Variants in KDM6A observed in about 807,000 individuals in gnomAD.
KDM6A encodes lysine-specific demethylase 6A.
In KDM6A, 11 loss-of-function variants were observed where a neutral mutation model predicts 117.6. That is an observed-to-expected ratio of 0.09 (90% CI 0.06 to 0.15). The LOEUF is 0.15. Among genes scored for constraint, KDM6A ranks in the 10% least tolerant of loss-of-function variants. The probability of loss-of-function intolerance (pLI) is 1.00; values close to 1 mark genes in which losing one functional copy is unlikely to be tolerated. For missense variants in KDM6A, 799 were observed against 1,077.3 expected (o/e 0.74, Z 3.62); for synonymous variants, 384 against 396.1 (o/e 0.97, Z 0.36).
At chrX:45,032,898 A>C (rs2042658783) in intron 6 of KDM6A, among the ~76,000 whole-genome samples, 1 of 112,642 alleles carries the variant, frequency 8.9e-6, no homozygotes. Flanking sequence ...AACATGGTCA[A>C]GAAATACTCC....
intron 8 of KDM6A, among the ~76,000 whole-genome samples, chrX:45,042,401 G>A (rs1284069420): frequency 9.2e-6 from 1 of 108,792 alleles, no homozygotes; most frequent in African/African-American, 3.4e-5. Flanking sequence ...GACACTGTAA[G>A]TATATGAAAG....
chrX:45,103,086 C>T (rs1357054148), intron 27 of KDM6A, among the ~76,000 whole-genome samples: 1 of 111,153 alleles, frequency 9.0e-6, no homozygotes, highest in Admixed American at 9.6e-5. Flanking sequence ...ACCAAGTTAA[C>T]CCATATTTCA....
chrX:45,087,480 C>A (rs918115901), intron 25 of KDM6A, among the ~76,000 whole-genome samples: 1 of 112,534 alleles, frequency 8.9e-6, no homozygotes, highest in Non-Finnish European at 1.9e-5. Flanking sequence ...TGTAAGAAAG[C>A]CAAAGATACA....
At position 44,970,070 on chromosome X, in the gene KDM6A, C is replaced by T. The variant is rs775196289; in HGVS notation, c.335-4596C>T. On this transcript the variant is annotated intron_variant, in intron 3 of 29. Coordinates refer to ENST00000611820, the MANE Select transcript of KDM6A (RefSeq NM_001291415.2). ...TGAGGTGATGGGTACTTGCATACTG[C>T]ACCTTTAGAGTTTTAATGATTTTTT... is the stretch of plus-strand genomic sequence containing the variant. Among the ~76,000 whole-genome samples the T allele has an allele frequency of 2.9e-4, 32 of 112,077 alleles. No homozygotes were observed. In the South Asian group the frequency reaches 0.01, roughly 36 times the overall value.
Position 44,873,416 on chromosome X carries a change from TCGC to T in KDM6A, c.-128_-126del. 3.3e-6 allele frequency: 3 copies of T among 911,457 alleles called. No individual in the cohort carries two copies. The highest frequency in any genetic ancestry group is 4.5e-6 in the Non-Finnish European group (3 of 664,903). 75.1% of individuals were successfully genotyped at this position (911,457 alleles called of 1,213,427 possible). A position where few individuals can be genotyped will look rare whatever the true frequency, so the allele number is the denominator to read the frequency against. On this transcript the variant is annotated 5_prime_UTR_variant, in exon 1 of 30. Coordinates refer to ENST00000611820, the MANE Select transcript of KDM6A (RefSeq NM_001291415.2). ...ACCGCCGCCGCGTTGGGATTTTTCGTCGCCGCCGCCCGCGGCGGAGGAGGAGGC... is the reference window on the plus strand; with the variant it reads ...ACCGCCGCCGCGTTGGGATTTTTCGTCGCCGCCCGCGGCGGAGGAGGAGGC...
In KDM6A at chrX:45,103,823, A is replaced by T. The variant is rs1227725581; in HGVS notation, c.4035-3587A>T. Among the ~76,000 whole-genome samples, 3 of 111,459 alleles carry T rather than the reference A, an allele frequency of 2.7e-5. No homozygotes were observed. The Admixed American group carries it at 2.9e-4, about 11-fold the overall frequency. On this transcript the variant is annotated intron_variant, in intron 27 of 29. Coordinates refer to ENST00000611820, the MANE Select transcript of KDM6A (RefSeq NM_001291415.2). ...CCCCTGCCTTTTTGTGTAGTCTTTC[A>T]TCGAAACAACTAAAAACAGGGATTG...
intron 5 of KDM6A, among the ~76,000 whole-genome samples, chrX:45,015,845 T>C (rs910929320): frequency 1.8e-5 from 2 of 111,976 alleles, no homozygotes; most frequent in Admixed American, 9.5e-5. Flanking sequence ...GGGCTTTGAT[T>C]AATTAGGCTT....
At chrX:44,991,568 G>C (rs1254071253) in intron 4 of KDM6A, among the ~76,000 whole-genome samples, 2 of 111,679 alleles carry the variant, frequency 1.8e-5, no homozygotes, top group Non-Finnish European at 3.8e-5. Flanking sequence ...GCCATTTTCT[G>C]ACTTTGTTTT....
chrX:45,099,773 G>A (rs774554035), intron 27 of KDM6A, among the ~76,000 whole-genome samples: 1 of 111,919 alleles, frequency 8.9e-6, no homozygotes, highest in Non-Finnish European at 1.9e-5. Flanking sequence ...GGTGGCTCAC[G>A]CCTATAATCC....
intron 2 of KDM6A, among the ~76,000 whole-genome samples, chrX:44,882,892 A>T (rs1435804790): frequency 9.0e-6 from 1 of 111,300 alleles, no homozygotes; most frequent in East Asian, 2.8e-4. Flanking sequence ...TGATCATATG[A>T]TGTATTAAGT....
chrX:45,077,766 A>G (rs2045200323), intron 19 of KDM6A, among the ~76,000 whole-genome samples: 1 of 111,719 alleles, frequency 9.0e-6, no homozygotes, highest in African/African-American at 3.3e-5. Flanking sequence ...TTCCTCTCTT[A>G]TATTGTGATT....
At chrX:45,034,003 A>AT (rs1217608828) in intron 6 of KDM6A, among the ~76,000 whole-genome samples, 3 of 110,413 alleles carry the variant, frequency 2.7e-5, no homozygotes, top group African/African-American at 6.6e-5. Context: ...TATTATGGTC[A>AT]TTTTTTTTAA....
At chrX:44,985,714 C>T (rs1225879703) in intron 4 of KDM6A, among the ~76,000 whole-genome samples, 3 of 111,616 alleles carry the variant, frequency 2.7e-5, no homozygotes, top group African/African-American at 6.5e-5. Context: ...GTTACGTTTA[C>T]TCATTTGCGT....
chrX:45,051,294 C>T (rs1391456697), intron 8 of KDM6A, among the ~76,000 whole-genome samples: 3 of 111,951 alleles, frequency 2.7e-5, no homozygotes, highest in African/African-American at 9.7e-5. Flanking sequence ...AGGTGTGAGC[C>T]ACCACACCCA....
intron 2 of KDM6A, among the ~76,000 whole-genome samples, chrX:44,893,782 G>A (rs2033585866): frequency 9.0e-6 from 1 of 111,053 alleles, no homozygotes; most frequent in African/African-American, 3.3e-5. Flanking sequence ...TTTTGTAGAT[G>A]CTATTTATTC....
chrX:44,960,855 T>A (rs2038630296), intron 2 of KDM6A, among the ~76,000 whole-genome samples: 1 of 111,444 alleles, frequency 9.0e-6, no homozygotes, highest in Non-Finnish European at 1.9e-5. Flanking sequence ...TGTAGGTATT[T>A]TTATTACTCT....
intron 27 of KDM6A, among the ~76,000 whole-genome samples, chrX:45,098,988 G>T (rs949657961): frequency 8.9e-6 from 1 of 111,968 alleles, no homozygotes; most frequent in Admixed American, 9.5e-5. Context: ...AAAAAAAGTT[G>T]AAAGAGTAGT....
intron 27 of KDM6A, among the ~76,000 whole-genome samples, chrX:45,096,527 C>T (rs749378864): frequency 6.3e-5 from 7 of 111,774 alleles, no homozygotes; most frequent in Admixed American, 9.5e-5. Context: ...GAGGAAGGTT[C>T]TTCCGAAAGA....
chrX:45,041,042 A>G (rs1602690389), intron 8 of KDM6A, among the ~76,000 whole-genome samples: 1 of 58,281 alleles, frequency 1.7e-5, no homozygotes, highest in Non-Finnish European at 3.1e-5. Flanking sequence ...GGCCGGGCAG[A>G]GGGGCTCCTC....
Sources: gnomAD v4.1 joint callset for allele counts (sites outside exome capture counted in the v4.1 genomes callset) on GRCh38, gnomAD v4.1.1 for gene constraint, MANE v1.5 for transcripts, NCBI Gene and HGNC (gene_info 2026-07-23, HGNC 2026-07-21) for gene names.